The following EPS8 variants were observed in gnomAD, a reference collection of about 807,000 sequenced individuals.
EPS8 encodes EGFR pathway substrate 8, signaling adaptor.
Under a neutral mutation model 103.8 loss-of-function variants are expected in EPS8, and 42 were observed. That is an observed-to-expected ratio of 0.40 (90% confidence interval 0.32 to 0.52). The LOEUF is 0.52. EPS8 is among the 20% of genes least tolerant of loss of function. The pLI, the probability that EPS8 is intolerant of heterozygous loss-of-function variation, is 0.40. For synonymous variants in EPS8, 344 were observed against 344.6 expected, an observed-to-expected ratio of 1.00 and a Z score of 0.02; for missense variants, 969 against 1,005.1, an observed-to-expected ratio of 0.96 and a Z score of 0.49.
At chr12:15,661,542 CT>C (rs1189773201) in intron 9 of EPS8, among the ~76,000 whole-genome samples, 1 of 152,086 alleles carries the variant, frequency 6.6e-6, no homozygotes, top group East Asian at 1.9e-4. Flanking sequence ...CATTCTCATT[CT>C]GTAAATCACT....
In EPS8 at chr12:15,696,352, A is replaced by G. The variant is rs1449449466; in HGVS notation, c.-21-13380T>C. 6.6e-6 allele frequency among the ~76,000 whole-genome samples: 1 copy of G among 152,130 alleles called. No individual in the cohort carries two copies. Among genetic ancestry groups the G allele is most frequent in the African/African-American group, 2.4e-5 (1 of 41,432 alleles). ...TTAGAGACTTTCCAAGTTTAAGAAC[A>G]TGGACTTGGCCGGGTGCAGTGGCTC... On this transcript the variant is annotated intron_variant, in intron 1 of 20. Coordinates refer to ENST00000281172, the MANE Select transcript of EPS8 (RefSeq NM_004447.6). This position sits in a 1 kb window ranked among gnomAD's most constrained non-coding sequence, Gnocchi z 4.8.
chr12:15,629,292 A>G (rs1945002989), intron 18 of EPS8, among the ~76,000 whole-genome samples: 1 of 152,170 alleles, frequency 6.6e-6, no homozygotes, highest in Non-Finnish European at 1.5e-5. Context: ...TAACCCACAC[A>G]CTGCTCCAAA....
intron 12 of EPS8, 147 bp downstream of exon 12, chr12:15,657,932 A>T (rs547676682): frequency 1.3e-4 from 79 of 621,484 alleles, no homozygotes; most frequent in African/African-American, 1.2e-3. Flanking sequence ...AAATTCTCAA[A>T]TTTTACATTC....
chr12:15,656,392 A>C (rs1565483023), intron 12 of EPS8, among the ~76,000 whole-genome samples: 1 of 152,194 alleles, frequency 6.6e-6, no homozygotes, highest in Non-Finnish European at 1.5e-5. Flanking sequence ...CATATACAGC[A>C]ACAACATATA....
At position 15,725,618 on chromosome 12, in the gene EPS8, A is replaced by G. The variant is rs1291860060; in HGVS notation, c.-21-42646T>C. On this transcript the variant is annotated intron_variant, in intron 1 of 20. Coordinates refer to ENST00000281172, the MANE Select transcript of EPS8 (RefSeq NM_004447.6). This position sits in a 1 kb window ranked among gnomAD's most constrained non-coding sequence, Gnocchi z 4.5. The stretch of plus-strand genomic sequence containing the variant: ...CGGTGACACAATGGGTCTTCATCAT[A>G]TGGTGATTCACTCACCACCACAGTA... Among the ~76,000 whole-genome samples the G allele has an allele frequency of 2.6e-5, 4 of 152,178 alleles. No homozygotes were observed. Among genetic ancestry groups the G allele is most frequent in the African/African-American group, 7.2e-5 (3 of 41,434 alleles).
intron 12 of EPS8, among the ~76,000 whole-genome samples, chr12:15,657,355 T>G (rs1229000187): frequency 3.3e-5 from 5 of 152,230 alleles, no homozygotes; most frequent in Non-Finnish European, 7.3e-5. Flanking sequence ...AGTGCAACAC[T>G]CCGTTTCCCA....
chr12:15,735,341 C>CT lies in EPS8; in HGVS notation c.-21-52370dup, dbSNP rs1159002761. Among the ~76,000 whole-genome samples, 2 of 152,140 alleles carry CT rather than the reference C, an allele frequency of 1.3e-5. No homozygotes were observed. The highest frequency in any genetic ancestry group is 4.8e-5 in the African/African-American group (2 of 41,436). On this transcript the variant is annotated intron_variant, in intron 1 of 20. Coordinates refer to ENST00000281172, the MANE Select transcript of EPS8 (RefSeq NM_004447.6). The surrounding 1 kb of genome is among the most constrained non-coding windows in gnomAD (Gnocchi z 4.4). ...GAAATATATTTCATTCTTCCCTATA[C>CT]TTTTTTGCTCCCTCTTTTTTATCAA...
intron 14 of EPS8, among the ~76,000 whole-genome samples, chr12:15,649,396 T>C (rs2135782015): frequency 6.6e-6 from 1 of 152,344 alleles, no homozygotes; most frequent in Non-Finnish European, 1.5e-5. Flanking sequence ...CAGCTGTAAC[T>C]ATAGCAACAG....
At chr12:15,719,553 C>T (rs1362050279) in intron 1 of EPS8, among the ~76,000 whole-genome samples, 1 of 152,190 alleles carries the variant, frequency 6.6e-6, no homozygotes, top group Non-Finnish European at 1.5e-5. Context: ...TGATCTGAAG[C>T]TGAATGCCAC....
chr12:15,775,002 A>G (rs1288936356), intron 1 of EPS8, among the ~76,000 whole-genome samples: 1 of 152,156 alleles, frequency 6.6e-6, no homozygotes. Context: ...CATAGTAGCT[A>G]ACTAGAAACA....
At chr12:15,788,429 T>C (rs934127013) in intron 1 of EPS8, among the ~76,000 whole-genome samples, 3 of 152,104 alleles carry the variant, frequency 2.0e-5, no homozygotes, top group African/African-American at 7.2e-5. Flanking sequence ...TGAGAAACAC[T>C]GCCGGAGAAC....
At chr12:15,668,171 C>T (rs1003553930) in intron 6 of EPS8, among the ~76,000 whole-genome samples, 1 of 152,068 alleles carries the variant, frequency 6.6e-6, no homozygotes, top group Non-Finnish European at 1.5e-5. Context: ...AGGCACTATA[C>T]AAAAATCTGA....
rs1261368252 is a variant in EPS8 at position 15,749,020 on chromosome 12, A to G, written c.-22+40141T>C. Among the ~76,000 whole-genome samples, 1 of 152,188 alleles carries G rather than the reference A, an allele frequency of 6.6e-6. No homozygotes were observed. The highest frequency in any genetic ancestry group is 6.5e-5 in the Admixed American group (1 of 15,282). On this transcript the variant is annotated intron_variant, in intron 1 of 20. Transcript: ENST00000281172. This position sits in a 1 kb window ranked among gnomAD's most constrained non-coding sequence, Gnocchi z 4.0. ...AATACTGAGACAACTGATGCTAGAG[A>G]GAACTTAAGGCCCTTTTAACTATTT... is the stretch of plus-strand genomic sequence containing the variant.
intron 13 of EPS8, among the ~76,000 whole-genome samples, chr12:15,653,890 G>A (rs1945461057): frequency 1.3e-5 from 2 of 152,136 alleles, no homozygotes; most frequent in African/African-American, 2.4e-5. Context: ...CTACCCTCCT[G>A]TCTAAATCCT....
In EPS8 at chr12:15,733,912, A is replaced by G. The variant is rs1946742395; in HGVS notation, c.-21-50940T>C. ...CTCACTCTGTCACCCAGGCTGGAGT[A>G]CAGTGATGCAATCTCAGCTCACTGC... On this transcript the variant is annotated intron_variant, in intron 1 of 20. Coordinates refer to ENST00000281172, the MANE Select transcript of EPS8 (RefSeq NM_004447.6). This position sits in a 1 kb window ranked among gnomAD's most constrained non-coding sequence, Gnocchi z 4.8. Among the ~76,000 whole-genome samples the G allele has an allele frequency of 6.6e-6, 1 of 152,156 alleles. No individual in the cohort carries two copies.
intron 17 of EPS8, among the ~76,000 whole-genome samples, chr12:15,632,507 A>T (rs910821718): frequency 6.6e-6 from 1 of 152,218 alleles, no homozygotes; most frequent in Non-Finnish European, 1.5e-5. Context: ...AATTCTCAAA[A>T]GGCACATTTT....
rs1287556741 is a variant in EPS8, at chr12:15,767,652, A to C, written c.-22+21509T>G. ...AGGCTTATATTCACCCACCTCTCTCAACACTAAATATTTGTTTCAAACTGA... is the reference window on the plus strand; with the variant it reads ...AGGCTTATATTCACCCACCTCTCTCCACACTAAATATTTGTTTCAAACTGA... On this transcript the variant is annotated intron_variant, in intron 1 of 20. Transcript: ENST00000281172. This position sits in a 1 kb window ranked among gnomAD's most constrained non-coding sequence, Gnocchi z 5.5. 6.6e-6 allele frequency among the ~76,000 whole-genome samples: 1 copy of C among 151,892 alleles called. No individual in the cohort carries two copies. The highest frequency in any genetic ancestry group is 1.5e-5 in the Non-Finnish European group (1 of 67,950).
At chr12:15,691,168 G>T (rs1946166533) in intron 1 of EPS8, among the ~76,000 whole-genome samples, 2 of 150,964 alleles carry the variant, frequency 1.3e-5, no homozygotes. Flanking sequence ...AGACAGCAAA[G>T]TGTGAAGTTC....
Position 15,690,584 on chromosome 12 carries a change from C to G in EPS8, c.-21-7612G>C, listed in dbSNP as rs1041288876. 2.0e-5 allele frequency among the ~76,000 whole-genome samples: 3 copies of G among 152,170 alleles called. No individual in the cohort carries two copies. The highest frequency in any genetic ancestry group is 7.2e-5 in the African/African-American group (3 of 41,446). On this transcript the variant is annotated intron_variant, in intron 1 of 20. Coordinates refer to ENST00000281172, the MANE Select transcript of EPS8 (RefSeq NM_004447.6). This position sits in a 1 kb window ranked among gnomAD's most constrained non-coding sequence, Gnocchi z 4.7. ...AGGATTATCCATTGTTTCAATTTGT[C>G]TGCTCTATTTTAGTAATACATGGTT...
Sources: allele counts gnomAD v4.1 joint callset (sites outside exome capture counted in the v4.1 genomes callset), GRCh38; gene constraint gnomAD v4.1.1; non-coding constraint Gnocchi (gnomAD v3.1); transcripts MANE v1.5; gene names NCBI Gene and HGNC (gene_info 2026-07-23, HGNC 2026-07-21).